The following MTAP variants were observed in gnomAD, a reference collection of about 807,000 sequenced individuals.
MTAP encodes the protein S-methyl-5'-thioadenosine phosphorylase.
A neutral mutation model predicts 33.6 loss-of-function variants in MTAP; 33 were observed. The ratio of observed to expected loss-of-function variants is 0.98; its 90% CI spans 0.74 to 1.31. MTAP has a LOEUF of 1.31. MTAP is among the 40% of genes most tolerant of loss of function. The pLI, the probability that MTAP is intolerant of heterozygous loss-of-function variation, is 0.00. For synonymous variants in MTAP, 148 were observed against 125.7 expected (o/e 1.18, Z -1.19); for missense variants, 367 against 360.0 (o/e 1.02, Z -0.16).
chr9:21,898,213 C>T (rs182513024), intron 1 of MTAP, among the ~76,000 whole-genome samples: 1 of 152,216 alleles, frequency 6.6e-6, no homozygotes, highest in Admixed American at 6.5e-5. Context: ...CTTCCTTACA[C>T]CTTATGCAAA....
At chr9:21,822,484 G>A (rs4431674) in intron 4 of MTAP, among the ~76,000 whole-genome samples, 94,466 of 151,936 alleles carry the variant, frequency 0.62, 30,547 homozygotes, top group African/African-American at 0.81. Flanking sequence ...ATTGCACTGT[G>A]GTCTGAGAGA....
At chr9:21,834,901 C>G (rs1825065070) in intron 4 of MTAP, among the ~76,000 whole-genome samples, 1 of 152,106 alleles carries the variant, frequency 6.6e-6, no homozygotes, top group African/African-American at 2.4e-5. Context: ...TGGGAGGTAG[C>G]CACTGGAGGT....
At position 21,855,088 on chromosome 9, in the gene MTAP, T is replaced by C. The variant is rs564221897; in HGVS notation, c.690+218T>C. Among the ~76,000 whole-genome samples, 365 of 152,346 alleles carry C rather than the reference T, an allele frequency of 2.4e-3. 1 individual carries two copies. The highest frequency in any genetic ancestry group is 3.8e-3 in the Non-Finnish European group (258 of 68,030). On this transcript the variant is annotated intron_variant, in intron 6 of 7. Coordinates refer to ENST00000644715, the MANE Select transcript of MTAP (RefSeq NM_002451.4). ...AAGGATCAGTAGTGAAAATAGTACA[T>C]TGTAGGCAGGTAGATGTGTTGAGAA...
In MTAP at chr9:21,912,117, T is replaced by G. The variant is rs538071746; in HGVS notation, c.148-18891T>G. 5.3e-5 allele frequency among the ~76,000 whole-genome samples: 8 copies of G among 152,120 alleles called. No individual in the cohort carries two copies. In the East Asian group the frequency reaches 1.5e-3, roughly 29 times the overall value. Reference sequence around the variant, plus strand: ...ATCTCTGAATAGACCAATAACAGGCTCTGAAATTGAGGCAATAATTAATAG... The same window carrying G: ...ATCTCTGAATAGACCAATAACAGGCGCTGAAATTGAGGCAATAATTAATAG... On this transcript the variant is annotated intron_variant, in intron 1 of 1. Transcript: ENST00000577563.
At chr9:21,839,685 A>G (rs746595413) in intron 5 of MTAP, among the ~76,000 whole-genome samples, 4 of 152,238 alleles carry the variant, frequency 2.6e-5, no homozygotes, top group Non-Finnish European at 4.4e-5. Context: ...AAGAGTAAAT[A>G]GTGCTGCCAC....
intron 7 of MTAP, chr9:21,860,417 C>T (rs1159383143): frequency 6.6e-6 from 1 of 152,204 alleles, no homozygotes; most frequent in Non-Finnish European, 1.5e-5. Context: ...AGGTGTCTCT[C>T]AGCAGTTAGG....
In MTAP at chr9:21,884,319, G is replaced by C. The variant is rs555701086; in HGVS notation, c.147+29449G>C. Among the ~76,000 whole-genome samples, 146 of 152,222 alleles carry C rather than the reference G, an allele frequency of 9.6e-4. 1 individual carries two copies. Among genetic ancestry groups the C allele is most frequent in the African/African-American group, 3.5e-3 (144 of 41,548 alleles). ...TTGCCCCAAATGGACACAACACAAT[G>C]CTCAGAATGGATAAATGATTGTGGT... On this transcript the variant is annotated intron_variant, in intron 1 of 1. Coordinates refer to the MTAP transcript ENST00000577563.
At chr9:21,811,158 C>G (rs1200557216) in intron 1 of MTAP, among the ~76,000 whole-genome samples, 1 of 152,198 alleles carries the variant, frequency 6.6e-6, no homozygotes, top group Admixed American at 6.5e-5. Flanking sequence ...ATGAGCTAGT[C>G]TCAACCGCTT....
chr9:21,858,683 C>A (rs1233937939), intron 6 of MTAP, among the ~76,000 whole-genome samples: 1 of 152,190 alleles, frequency 6.6e-6, no homozygotes, highest in Admixed American at 6.5e-5. Flanking sequence ...TCCCACAATT[C>A]GACATGAGAT....
intron 1 of MTAP, among the ~76,000 whole-genome samples, chr9:21,894,468 C>G (rs1196849143): frequency 2.0e-5 from 3 of 151,906 alleles, no homozygotes; most frequent in African/African-American, 7.3e-5. Flanking sequence ...AACTATCTCT[C>G]TTCACAAACA....
Position 21,865,857 on chromosome 9 carries a change from G to C in MTAP, c.*3843G>C. On this transcript the variant is annotated 3_prime_UTR_variant, in exon 8 of 8. Transcript: ENST00000644715. Reference sequence around the variant, plus strand: ...TAGCTTGTGCCTTTTTTATTGCCTAGTAGTATTCTGTCATATGCCTATCTT... The same window carrying C: ...TAGCTTGTGCCTTTTTTATTGCCTACTAGTATTCTGTCATATGCCTATCTT... The C allele has an allele frequency of 1.1e-6, 1 of 877,246 alleles. No homozygotes were observed. Among genetic ancestry groups the C allele is most frequent in the Non-Finnish European group, 1.4e-6 (1 of 730,638 alleles). 54.3% of individuals were successfully genotyped at this position (877,246 alleles called of 1,614,324 possible). A position where few individuals can be genotyped will look rare whatever the true frequency, so the allele number is the denominator to read the frequency against.
chr9:21,913,698 A>C (rs142524320), intron 1 of MTAP, among the ~76,000 whole-genome samples: 11,992 of 152,160 alleles, frequency 0.079, 659 homozygotes, highest in East Asian at 0.24. Flanking sequence ...TAGGCAATAC[A>C]ATTCAGGACA....
chr9:21,802,985 A>AACACAC (rs753392319), intron 1 of MTAP: 10,264 of 441,660 alleles, frequency 0.023, 112 homozygotes, highest in Admixed American at 0.033. Flanking sequence ...CCGCACCGCC[A>AACACAC]ACACACACAC....
At chr9:21,908,973 C>T (rs1281007705) in intron 1 of MTAP, among the ~76,000 whole-genome samples, 1 of 151,938 alleles carries the variant, frequency 6.6e-6, no homozygotes, top group Non-Finnish European at 1.5e-5. Context: ...GGAACCACAT[C>T]AATCAGTGTT....
intron 1 of MTAP, among the ~76,000 whole-genome samples, chr9:21,874,915 A>C (rs747025566): frequency 6.6e-6 from 1 of 151,510 alleles, no homozygotes; most frequent in African/African-American, 2.4e-5. Context: ...TTATTGTTCA[A>C]CTCCCACTTA....
intron 1 of MTAP, among the ~76,000 whole-genome samples, chr9:21,921,710 C>T (rs1405537442): frequency 1.3e-5 from 2 of 152,156 alleles, no homozygotes; most frequent in African/African-American, 2.4e-5. Flanking sequence ...GTGGCTCACA[C>T]CTGTAATCCT....
At chr9:21,818,319 T>G in intron 4 of MTAP, 117 bp downstream of exon 4, 1 of 96,692 alleles carries the variant, frequency 1.0e-5, no homozygotes. Context: ...CTCGCTTGCT[T>G]TTTTTTTTTT....
intron 1 of MTAP, among the ~76,000 whole-genome samples, chr9:21,810,235 C>T (rs143165391): frequency 6.6e-6 from 1 of 152,148 alleles, no homozygotes; most frequent in African/African-American, 2.4e-5. Flanking sequence ...TTGTACATGG[C>T]AATGTTCTCC....
downstream of MTAP, among the ~76,000 whole-genome samples, chr9:21,938,365 G>C (rs879773508): frequency 2.0e-5 from 3 of 151,830 alleles, no homozygotes; most frequent in Non-Finnish European, 4.4e-5. Context: ...CTGAACCTAA[G>C]GAGGTTCAGG....
Sources: allele counts gnomAD v4.1 joint callset (sites outside exome capture counted in the v4.1 genomes callset), GRCh38; gene constraint gnomAD v4.1.1; transcripts MANE v1.5; gene names NCBI Gene and HGNC (gene_info 2026-07-23, HGNC 2026-07-21).